The following DCC variants were observed in gnomAD, a reference collection of about 807,000 sequenced individuals.
DCC encodes netrin receptor DCC.
A neutral mutation model predicts 172.5 loss-of-function variants in DCC; 58 were observed. That is an observed-to-expected ratio of 0.34 (90% CI 0.27 to 0.42). The LOEUF (loss-of-function observed/expected upper bound fraction) is 0.42. Among genes scored for constraint, DCC ranks in the 10% least tolerant of loss-of-function variants. The pLI is 1.00. For synonymous variants in DCC, 709 were observed against 644.5 expected, an observed-to-expected ratio of 1.10 and a Z score of -1.52; for missense variants, 1,740 against 1,791.0, an observed-to-expected ratio of 0.97 and a Z score of 0.51.
intron 12 of DCC, among the ~76,000 whole-genome samples, chr18:53,278,484 G>A (rs189499161): frequency 1.3e-5 from 2 of 152,046 alleles, no homozygotes; most frequent in African/African-American, 4.8e-5. Context: ...GTTGACACAG[G>A]ATTACTATTG....
At position 53,009,393 on chromosome 18, in the gene DCC, C is replaced by G. The variant is rs180688168; in HGVS notation, c.986-53912C>G. Among the ~76,000 whole-genome samples, 6 of 151,974 alleles carry G rather than the reference C, an allele frequency of 3.9e-5. No individual in the cohort carries two copies. In the East Asian group the frequency reaches 9.7e-4, roughly 24 times the overall value. On this transcript the variant is annotated intron_variant, in intron 5 of 28. Transcript: ENST00000442544. Reference sequence around the variant, plus strand: ...TTTTCCCTGGCATTACCATTGGAAGCCTGGGATTTACTCTACATATGATGG... The same window carrying G: ...TTTTCCCTGGCATTACCATTGGAAGGCTGGGATTTACTCTACATATGATGG...
At chr18:53,351,348 T>C (rs772258470) in intron 15 of DCC, among the ~76,000 whole-genome samples, 5,381 of 54,456 alleles carry the variant, frequency 0.099, 860 homozygotes, top group Non-Finnish European at 0.18. Flanking sequence ...TATATATATA[T>C]ACACAGTATA....
intron 1 of DCC, among the ~76,000 whole-genome samples, chr18:52,365,582 G>C (rs371602201): frequency 6.6e-6 from 1 of 152,080 alleles, no homozygotes; most frequent in African/African-American, 2.4e-5. Context: ...AAAGATTACT[G>C]AGCAAAGCTG....
intron 25 of DCC, among the ~76,000 whole-genome samples, chr18:53,474,448 T>G (rs1231579594): frequency 6.6e-6 from 1 of 152,218 alleles, no homozygotes; most frequent in Non-Finnish European, 1.5e-5. Flanking sequence ...AATCTCATCT[T>G]GAATTCCCAT....
At position 53,532,400 on chromosome 18, in the gene DCC, C is replaced by A. The variant is rs1304701408; in HGVS notation, c.*1747C>A. ...AAATGGTTCATTAGAAAGTCCGGTCCATTTGCGAATTTGTTCCTTCAACAA... is the reference window on the plus strand; with the variant it reads ...AAATGGTTCATTAGAAAGTCCGGTCAATTTGCGAATTTGTTCCTTCAACAA... On this transcript the variant is annotated 3_prime_UTR_variant, in exon 29 of 29. Transcript: ENST00000442544. The A allele has an allele frequency of 1.3e-5, 2 of 152,114 alleles. No individual in the cohort carries two copies. The highest frequency in any genetic ancestry group is 4.8e-5 in the African/African-American group (2 of 41,418). 9.4% of individuals were successfully genotyped at this position (152,114 alleles called of 1,614,324 possible).
intron 1 of DCC, among the ~76,000 whole-genome samples, chr18:52,624,737 GC>G (rs1168182658): frequency 6.6e-6 from 1 of 152,172 alleles, no homozygotes; most frequent in African/African-American, 2.4e-5. Flanking sequence ...TTGCACTTCT[GC>G]TATGCAATGA....
At chr18:53,458,286 A>C (rs939744970) in intron 23 of DCC, among the ~76,000 whole-genome samples, 1 of 152,248 alleles carries the variant, frequency 6.6e-6, no homozygotes, top group Non-Finnish European at 1.5e-5. Flanking sequence ...AGGACCAAAT[A>C]ATACATGGTT....
chr18:52,483,433 A>G (rs1568191300), intron 1 of DCC, among the ~76,000 whole-genome samples: 1 of 152,096 alleles, frequency 6.6e-6, no homozygotes, highest in Non-Finnish European at 1.5e-5. Context: ...TTTTAATGAA[A>G]AAAATGCAAG....
At chr18:52,895,524 A>T (rs2145428721) in intron 2 of DCC, among the ~76,000 whole-genome samples, 1 of 152,274 alleles carries the variant, frequency 6.6e-6, no homozygotes, top group South Asian at 2.1e-4. Flanking sequence ...TTCCTTTTGT[A>T]TTTTTAAAGA....
At chr18:53,229,694 G>C (rs1169615502) in intron 12 of DCC, among the ~76,000 whole-genome samples, 1 of 151,976 alleles carries the variant, frequency 6.6e-6, no homozygotes, top group Non-Finnish European at 1.5e-5. Flanking sequence ...TTCTAGAGAA[G>C]GGCGGATGCT....
chr18:52,638,762 A>C (rs1389484853), intron 1 of DCC, among the ~76,000 whole-genome samples: 1 of 152,158 alleles, frequency 6.6e-6, no homozygotes, highest in Non-Finnish European at 1.5e-5. Flanking sequence ...ATAGTCAGGG[A>C]CTTCAATACT....
chr18:53,414,474 G>T (rs1230774928), intron 20 of DCC, among the ~76,000 whole-genome samples: 1 of 152,086 alleles, frequency 6.6e-6, no homozygotes, highest in South Asian at 2.1e-4. Flanking sequence ...TCATTGAATT[G>T]CATACATTAA....
chr18:53,265,070 G>A (rs1383708936), intron 12 of DCC, among the ~76,000 whole-genome samples: 1 of 152,162 alleles, frequency 6.6e-6, no homozygotes, highest in Non-Finnish European at 1.5e-5. Context: ...TTGCTAGTAG[G>A]AAAGTAGCTC....
rs892677900 is a variant in DCC at position 53,259,165 on chromosome 18, A to G, written c.1911+43568A>G. On this transcript the variant is annotated intron_variant, in intron 12 of 28. Coordinates refer to ENST00000442544, the MANE Select transcript of DCC (RefSeq NM_005215.4). ...CTGATGGGTCTTGACTCTTTATCCAATTTGCCAGTCTGTGTCTTTTAATTG... is the reference window on the plus strand; with the variant it reads ...CTGATGGGTCTTGACTCTTTATCCAGTTTGCCAGTCTGTGTCTTTTAATTG... Among the ~76,000 whole-genome samples the G allele has an allele frequency of 3.3e-5, 5 of 151,984 alleles. No homozygotes were observed. In the East Asian group the frequency reaches 7.7e-4, roughly 23 times the overall value.
intron 7 of DCC, among the ~76,000 whole-genome samples, chr18:53,107,069 C>T (rs1053648823): frequency 6.6e-5 from 10 of 151,790 alleles, no homozygotes; most frequent in Non-Finnish European, 8.8e-5. Flanking sequence ...ACATTATTAA[C>T]GTGTTTTCTT....
intron 9 of DCC, among the ~76,000 whole-genome samples, chr18:53,182,081 C>T (rs1399498194): frequency 2.0e-5 from 3 of 152,192 alleles, no homozygotes; most frequent in African/African-American, 7.2e-5. Context: ...TCTCTATAAG[C>T]ATTTACTTTG....
At chr18:53,529,025 C>T (rs1408187419) in intron 28 of DCC, among the ~76,000 whole-genome samples, 1 of 65,090 alleles carries the variant, frequency 1.5e-5, no homozygotes, top group Non-Finnish European at 2.9e-5. Context: ...CTCTCTCTCT[C>T]TCTCTCTCTC....
At chr18:52,532,949 C>G (rs2032192901) in intron 1 of DCC, among the ~76,000 whole-genome samples, 1 of 152,238 alleles carries the variant, frequency 6.6e-6, no homozygotes, top group East Asian at 1.9e-4. Context: ...GACTCATTCC[C>G]ACCACCTCTC....
intron 5 of DCC, among the ~76,000 whole-genome samples, chr18:53,053,275 T>C (rs184212338): frequency 1.2e-4 from 19 of 152,270 alleles, no homozygotes; most frequent in Admixed American, 1.1e-3. Context: ...TTCCCCCAAA[T>C]TTCAGGAAAA....
Sources: gnomAD v4.1 joint callset for allele counts (sites outside exome capture counted in the v4.1 genomes callset) on GRCh38, gnomAD v4.1.1 for gene constraint, MANE v1.5 for transcripts, NCBI Gene and HGNC (gene_info 2026-07-23, HGNC 2026-07-21) for gene names.